The following DCC variants were observed in gnomAD, a reference collection of about 807,000 sequenced individuals.
DCC encodes the protein netrin receptor DCC.
In DCC, 58 loss-of-function variants were observed where a neutral mutation model predicts 172.5. The observed-to-expected ratio is 0.34, with a 90% confidence interval of 0.27 to 0.42. The LOEUF (loss-of-function observed/expected upper bound fraction) is 0.42, where lower values mean the gene tolerates loss of function less well. DCC is among the 10% of genes least tolerant of loss of function. The pLI is 1.00. For missense variants in DCC, 1,740 were observed against 1,791.0 expected, an observed-to-expected ratio of 0.97 and a Z score of 0.51; for synonymous variants, 709 against 644.5, an observed-to-expected ratio of 1.10 and a Z score of -1.52.
At chr18:52,970,432 C>A (rs1302038538) in intron 5 of DCC, among the ~76,000 whole-genome samples, 2 of 151,942 alleles carry the variant, frequency 1.3e-5, no homozygotes, top group African/African-American at 4.8e-5. Flanking sequence ...TTCCAAAACT[C>A]AAAATTATCA....
intron 1 of DCC, among the ~76,000 whole-genome samples, chr18:52,535,010 T>A (rs2032250344): frequency 6.6e-6 from 1 of 152,038 alleles, no homozygotes. Flanking sequence ...CTTTCCCCCA[T>A]CTCCCCCTGT....
rs75806035 is a variant in DCC, at chr18:52,461,492, A to G, written c.91+120614A>G. On this transcript the variant is annotated intron_variant, in intron 1 of 28. Transcript: ENST00000442544. ...TTATTATCATTATCACGTATTATAT[A>G]CTCTACATAATTGTATGTGCTAGAT... 4.4e-3 allele frequency among the ~76,000 whole-genome samples: 677 copies of G among 152,272 alleles called. 29 individuals are homozygous for G. In the East Asian group the frequency reaches 0.1, roughly 23 times the overall value.
intron 14 of DCC, among the ~76,000 whole-genome samples, chr18:53,333,097 C>T (rs569442850): frequency 6.7e-6 from 1 of 148,954 alleles, no homozygotes; most frequent in Non-Finnish European, 1.5e-5. Flanking sequence ...AGAATATTGA[C>T]AAAATATTAG....
intron 1 of DCC, among the ~76,000 whole-genome samples, chr18:52,568,327 C>A (rs1329248972): frequency 1.3e-5 from 2 of 151,910 alleles, no homozygotes; most frequent in Non-Finnish European, 2.9e-5. Context: ...TATCTTTCAA[C>A]AAATGAATGA....
At chr18:52,484,958 G>T (rs956492702) in intron 1 of DCC, among the ~76,000 whole-genome samples, 6 of 152,076 alleles carry the variant, frequency 3.9e-5, no homozygotes, top group Admixed American at 3.3e-4. Flanking sequence ...TCCTGTCCAA[G>T]AAATTGTTTT....
intron 1 of DCC, among the ~76,000 whole-genome samples, chr18:52,482,188 C>G (rs1179078933): frequency 6.6e-6 from 1 of 152,150 alleles, no homozygotes; most frequent in Non-Finnish European, 1.5e-5. Context: ...CCTAATCCTC[C>G]TAATAGAGTT....
chr18:53,392,549 A>T (rs1480754379), intron 17 of DCC, among the ~76,000 whole-genome samples: 1 of 152,160 alleles, frequency 6.6e-6, no homozygotes, highest in Non-Finnish European at 1.5e-5. Flanking sequence ...ACCAGTTTCA[A>T]ATCTCTATCA....
intron 25 of DCC, among the ~76,000 whole-genome samples, chr18:53,469,031 C>T (rs778346890): frequency 8.5e-5 from 13 of 152,286 alleles, no homozygotes; most frequent in Middle Eastern, 6.8e-3. Flanking sequence ...GTTCCTATTA[C>T]CTTATTAGTT....
chr18:52,425,326 C>T (rs1363582259), intron 1 of DCC, among the ~76,000 whole-genome samples: 1 of 152,084 alleles, frequency 6.6e-6, no homozygotes, highest in Non-Finnish European at 1.5e-5. Context: ...CAGATAGATC[C>T]CTGAGTGTCA....
intron 2 of DCC, among the ~76,000 whole-genome samples, chr18:52,797,009 C>T (rs75762883): frequency 0.046 from 6,506 of 141,878 alleles, 221 homozygotes; most frequent in South Asian, 0.19. Context: ...TTCATTCATT[C>T]CTTTTTTTTT....
intron 1 of DCC, among the ~76,000 whole-genome samples, chr18:52,665,729 G>A (rs962809880): frequency 6.6e-6 from 1 of 152,180 alleles, no homozygotes; most frequent in African/African-American, 2.4e-5. Context: ...CACATATAAG[G>A]AAGTCAATGC....
chr18:52,944,866 T>G (rs764195643), intron 5 of DCC, among the ~76,000 whole-genome samples: 5 of 152,188 alleles, frequency 3.3e-5, no homozygotes, highest in Non-Finnish European at 5.9e-5. Context: ...AAGTTGGTAT[T>G]TATGATAAGA....
intron 5 of DCC, among the ~76,000 whole-genome samples, chr18:53,051,084 G>T (rs970752752): frequency 6.6e-6 from 1 of 152,200 alleles, no homozygotes; most frequent in Non-Finnish European, 1.5e-5. Flanking sequence ...AAATACATTT[G>T]CCAAGCATGG....
intron 1 of DCC, among the ~76,000 whole-genome samples, chr18:52,563,794 G>A (rs2033094362): frequency 6.6e-6 from 1 of 152,052 alleles, no homozygotes; most frequent in South Asian, 2.1e-4. Flanking sequence ...CTGTTTCCTG[G>A]TGTCTTATTT....
chr18:52,953,010 A>AC (rs1418801262), intron 5 of DCC, among the ~76,000 whole-genome samples: 1 of 149,922 alleles, frequency 6.7e-6, no homozygotes, highest in African/African-American at 2.4e-5. Context: ...CAAAAAAAAA[A>AC]AAAAAAAAAA....
At chr18:53,441,816 C>G (rs949727416) in intron 22 of DCC, among the ~76,000 whole-genome samples, 1 of 152,162 alleles carries the variant, frequency 6.6e-6, no homozygotes, top group Non-Finnish European at 1.5e-5. Flanking sequence ...AAACAAATCA[C>G]GTCTGTTTCT....
intron 1 of DCC, among the ~76,000 whole-genome samples, chr18:52,481,401 G>A (rs150066100): frequency 0.012 from 1,742 of 149,832 alleles, 17 homozygotes; most frequent in Middle Eastern, 0.027. Flanking sequence ...TCTACCAAGG[G>A]TAGGTGAGAC....
chr18:53,277,588 C>T (rs2056820658), intron 12 of DCC, among the ~76,000 whole-genome samples: 1 of 152,144 alleles, frequency 6.6e-6, no homozygotes, highest in Non-Finnish European at 1.5e-5. Flanking sequence ...CGTCTCCTCC[C>T]TTTTGCAGTT....
chr18:53,528,375 C>T (rs927078400), intron 28 of DCC, among the ~76,000 whole-genome samples: 3 of 151,956 alleles, frequency 2.0e-5, no homozygotes, highest in Non-Finnish European at 2.9e-5. Context: ...CACTTTTGTG[C>T]GTTAGAATAT....
Sources: gnomAD v4.1 joint callset for allele counts (sites outside exome capture counted in the v4.1 genomes callset) on GRCh38, gnomAD v4.1.1 for gene constraint, MANE v1.5 for transcripts, NCBI Gene and HGNC (gene_info 2026-07-23, HGNC 2026-07-21) for gene names.